Variants in DNAH5 observed in about 807,000 individuals in gnomAD.
DNAH5 encodes the protein axonemal beta dynein heavy chain 5.
In DNAH5, 372 loss-of-function variants were observed where a neutral mutation model predicts 518.2. That is an observed-to-expected ratio of 0.72 (90% confidence interval 0.66 to 0.78). The LOEUF (loss-of-function observed/expected upper bound fraction) is 0.78, where lower values mean the gene tolerates loss of function less well. Ranked by LOEUF, DNAH5 falls within the 30% of genes least tolerant of loss-of-function variation. The pLI, the probability that DNAH5 is intolerant of heterozygous loss-of-function variation, is 0.00. For missense variants in DNAH5, 5,523 were observed against 5,687.0 expected (o/e 0.97, Z 0.93); for synonymous variants, 2,039 against 2,025.9 (o/e 1.01, Z -0.17).
At chr5:13,846,484 C>T (rs1413773540) in intron 31 of DNAH5, among the ~76,000 whole-genome samples, 4 of 152,100 alleles carry the variant, frequency 2.6e-5, no homozygotes, top group East Asian at 3.8e-4. Flanking sequence ...GGCATGCGTG[C>T]GGAGTGCTGG....
chr5:13,913,961 T>C lies in DNAH5; in HGVS notation c.1321-3A>G. 1 of 1,612,318 alleles carries C rather than the reference T, an allele frequency of 6.2e-7. No individual in the cohort carries two copies. Among genetic ancestry groups the C allele is most frequent in the Non-Finnish European group, 8.5e-7 (1 of 1,178,930 alleles). ...TTGTGAAAGCAGAGCTGGTATTCCT[T>C]AAAATCAAAAGAAAAATATACAACA... On this transcript the variant is annotated splice_region_variant and splice_polypyrimidine_tract_variant and intron_variant, in intron 10 of 78. Transcript: ENST00000265104.
intron 1 of DNAH5, among the ~76,000 whole-genome samples, chr5:13,933,895 G>A (rs961304826): frequency 4.0e-5 from 6 of 151,884 alleles, no homozygotes; most frequent in Non-Finnish European, 5.9e-5. Flanking sequence ...TAGCAACAAT[G>A]CTACACAGGA....
intron 49 of DNAH5, 81 bp downstream of exon 49, chr5:13,793,434 G>T: frequency 8.4e-7 from 1 of 1,194,992 alleles, no homozygotes; most frequent in Non-Finnish European, 1.2e-6. Context: ...TTCTGTGTGG[G>T]TCTTGGGTGA....
At chr5:13,952,099 G>A (rs1780460361) in intron 1 of DNAH5, among the ~76,000 whole-genome samples, 1 of 148,420 alleles carries the variant, frequency 6.7e-6, no homozygotes, top group Non-Finnish European at 1.5e-5. Context: ...CCAGCCCAGG[G>A]CCTCTAACAT....
At chr5:13,832,528 T>C (rs1437603544) in intron 35 of DNAH5, among the ~76,000 whole-genome samples, 1 of 152,240 alleles carries the variant, frequency 6.6e-6, no homozygotes, top group Non-Finnish European at 1.5e-5. Context: ...AGTCTATCTA[T>C]TGGCTATTTT....
intron 1 of DNAH5, among the ~76,000 whole-genome samples, chr5:13,966,426 C>T (rs183432289): frequency 8.5e-5 from 13 of 152,276 alleles, no homozygotes; most frequent in East Asian, 1.9e-4. Flanking sequence ...TAGTTCCTTA[C>T]GGAATCTTCA....
chr5:13,941,221 G>A (rs763271653), intron 1 of DNAH5, among the ~76,000 whole-genome samples: 7 of 152,138 alleles, frequency 4.6e-5, no homozygotes, highest in African/African-American at 7.2e-5. Flanking sequence ...AGCCAGATGC[G>A]GGGATGCATG....
intron 32 of DNAH5, among the ~76,000 whole-genome samples, chr5:13,844,632 T>C (rs1038676368): frequency 1.4e-4 from 22 of 151,948 alleles, no homozygotes; most frequent in Admixed American, 4.6e-4. Context: ...AGCATTTTTT[T>C]TAATTTGAAT....
At chr5:13,743,945 T>C (rs1023908847) in intron 65 of DNAH5, among the ~76,000 whole-genome samples, 20 of 151,924 alleles carry the variant, frequency 1.3e-4, no homozygotes, top group East Asian at 1.9e-4. Context: ...CTGAAACAAA[T>C]AGAACTACCA....
chr5:13,899,784 A>C (rs1158092250), intron 15 of DNAH5: 2 of 203,652 alleles, frequency 9.8e-6, no homozygotes, highest in Admixed American at 1.1e-4. Flanking sequence ...CATAACTCTA[A>C]ATTCTCCAAA....
intron 1 of DNAH5, among the ~76,000 whole-genome samples, chr5:14,008,110 T>C (rs1229051195): frequency 6.7e-6 from 1 of 149,694 alleles, no homozygotes; most frequent in East Asian, 2.0e-4. Flanking sequence ...AGGCAGAGGT[T>C]GCAGTGAGCC....
At chr5:13,898,606 A>C (rs1334333757) in intron 15 of DNAH5, 1 of 398,466 alleles carries the variant, frequency 2.5e-6, no homozygotes, top group Non-Finnish European at 4.4e-6. Flanking sequence ...AAATCTTTTA[A>C]CTTCTCTAAG....
At chr5:13,766,561 A>T (rs1325004902) in intron 58 of DNAH5, among the ~76,000 whole-genome samples, 2 of 152,244 alleles carry the variant, frequency 1.3e-5, no homozygotes, top group African/African-American at 4.8e-5. Context: ...TTTTTTACTT[A>T]TTAGCTATGT....
intron 69 of DNAH5, 70 bp downstream of exon 69, chr5:13,729,369 T>C: frequency 1.3e-6 from 2 of 1,595,280 alleles, no homozygotes; most frequent in Non-Finnish European, 1.7e-6. Flanking sequence ...TCCACAAATA[T>C]TGTACCTAGT....
At chr5:13,916,299 C>A in intron 9 of DNAH5, 49 bp downstream of exon 9, 1 of 1,068,002 alleles carries the variant, frequency 9.4e-7, no homozygotes, top group South Asian at 1.3e-5. Flanking sequence ...AAAAATTGAT[C>A]ACTGGCAAAG....
chr5:13,710,101 T>C (rs926952200), intron 75 of DNAH5, among the ~76,000 whole-genome samples: 1 of 152,012 alleles, frequency 6.6e-6, no homozygotes, highest in African/African-American at 2.4e-5. Context: ...TGCTGCTATC[T>C]GCAGCTGCGA....
rs751151960 is a variant in DNAH5, at chr5:13,793,669, C to T, written c.8070G>A (p.Lys2690=). 3.7e-6 allele frequency: 6 copies of T among 1,614,034 alleles called. No individual in the cohort carries two copies. Among genetic ancestry groups the T allele is most frequent in the Admixed American group, 1.7e-5 (1 of 60,002 alleles). The part of the protein sequence containing the change: ...MEQNGFYNLE[K]PGEFTSIVDI... ...CCACGATGCTGGTGAACTCCCCAGGCTTCTCTAGATTATAGAATCCATTTT... is the reference window on the plus strand; with the variant it reads ...CCACGATGCTGGTGAACTCCCCAGGTTTCTCTAGATTATAGAATCCATTTT... The change falls in exon 49 of 79, where the codon AAG becomes AAA. Residue 2690 remains lysine (K), a synonymous_variant. Coordinates refer to ENST00000265104, the MANE Select transcript of DNAH5 (RefSeq NM_001369.3).
Position 13,847,649 on chromosome 5 carries a change from G to T in DNAH5, c.5115-2656C>A, listed in dbSNP as rs1172035708. Among the ~76,000 whole-genome samples the T allele has an allele frequency of 2.6e-5, 4 of 151,884 alleles. No individual in the cohort carries two copies. In the East Asian group the frequency reaches 7.7e-4, roughly 29 times the overall value. On this transcript the variant is annotated intron_variant, in intron 31 of 78. Coordinates refer to ENST00000265104, the MANE Select transcript of DNAH5 (RefSeq NM_001369.3). Reference sequence around the variant, plus strand: ...TAAGGTGGGAGAATCACTTGAACCTGGGAGGCGGAGGCTGCAGTGGGCTGA... The same window carrying T: ...TAAGGTGGGAGAATCACTTGAACCTTGGAGGCGGAGGCTGCAGTGGGCTGA...
chr5:13,867,130 A>G (rs1443065797), intron 25 of DNAH5, among the ~76,000 whole-genome samples: 1 of 152,188 alleles, frequency 6.6e-6, no homozygotes, highest in East Asian at 1.9e-4. Context: ...GCTACCAAAC[A>G]ACTTCAGTAA....
Sources: gnomAD v4.1 joint callset for allele counts (sites outside exome capture counted in the v4.1 genomes callset) on GRCh38, gnomAD v4.1.1 for gene constraint, MANE v1.5 for transcripts, NCBI Gene and HGNC (gene_info 2026-07-23, HGNC 2026-07-21) for gene names.